Variants in FBXO34 observed in about 807,000 individuals in gnomAD.
The protein encoded by FBXO34 is F-box only protein 34.
FBXO34 carries 12 observed loss-of-function variants against 24.5 expected under a neutral mutation model. That is an observed-to-expected ratio of 0.49 (90% confidence interval 0.31 to 0.79). The LOEUF (loss-of-function observed/expected upper bound fraction) is 0.79. Ranked by LOEUF, FBXO34 falls within the 30% of genes least tolerant of loss-of-function variation. FBXO34 has a pLI of 0.04. For synonymous variants in FBXO34, 320 were observed against 311.9 expected (o/e 1.03, Z -0.27); for missense variants, 823 against 857.7 (o/e 0.96, Z 0.51).
intron 3 of FBXO34, among the ~76,000 whole-genome samples, chr14:55,361,346 A>C (rs1884592883): frequency 6.6e-6 from 1 of 152,224 alleles, no homozygotes; most frequent in Admixed American, 6.5e-5. Context: ...GTAGGTCTCA[A>C]TTGTGGGCTT....
At chr14:55,396,702 T>C in the FBXO34 span, among the ~76,000 whole-genome samples, 9 of 152,166 alleles carry the variant, frequency 5.9e-5, no homozygotes, top group Non-Finnish European at 1.2e-4. Context: ...AAAGAGAAAC[T>C]GAATGAAGGC....
chr14:55,276,417 G>C (rs547253473), intron 1 of FBXO34, among the ~76,000 whole-genome samples: 1 of 152,020 alleles, frequency 6.6e-6, no homozygotes, highest in African/African-American at 2.4e-5. Context: ...TTTTGTTTTT[G>C]TTGTATTTCA....
Position 55,351,260 on chromosome 14 carries a change from C to T in FBXO34, c.870C>T (p.Cys290=), listed in dbSNP as rs753097268. 3.1e-6 allele frequency: 5 copies of T among 1,614,046 alleles called. No homozygotes were observed. The African/African-American group carries it at 4.0e-5, about 13-fold the overall frequency. The change falls in exon 2 of 2, where the codon TGC becomes TGT. Residue 290 remains cysteine, a synonymous_variant. Transcript: ENST00000313833. ...TGGTAGCCAAGTTGGAGTCTGAGTG[C>T]CTGAAGCGGCAGGGCCAGCGTGAGC... is the stretch of plus-strand genomic sequence containing the variant. ...LDMVAKLESE[C]LKRQGQREPG...
At chr14:55,354,382 C>T (rs1884488300), downstream of FBXO34, 1 of 152,206 alleles carries the variant, frequency 6.6e-6, no homozygotes, top group Non-Finnish European at 1.5e-5. Context: ...AGGAGATCAA[C>T]ATAAAGGACC....
At chr14:55,416,635 A>C in the FBXO34 span, among the ~76,000 whole-genome samples, 3 of 152,166 alleles carry the variant, frequency 2.0e-5, no homozygotes, top group African/African-American at 7.2e-5. Context: ...CAGCTCTAAA[A>C]TTTTGGTTTC....
intron 1 of FBXO34, among the ~76,000 whole-genome samples, chr14:55,336,049 T>C (rs1248231058): frequency 6.6e-6 from 1 of 152,200 alleles, no homozygotes; most frequent in Non-Finnish European, 1.5e-5. Flanking sequence ...ATATATGTCT[T>C]TAAAGTATGA....
At chr14:55,428,537 C>G in the FBXO34 span, among the ~76,000 whole-genome samples, 1 of 152,132 alleles carries the variant, frequency 6.6e-6, no homozygotes, top group Non-Finnish European at 1.5e-5. Context: ...CTAGCAAAAT[C>G]TCTGGTGAAG....
chr14:55,378,799 G>A, the FBXO34 span, among the ~76,000 whole-genome samples: 1 of 152,078 alleles, frequency 6.6e-6, no homozygotes, highest in African/African-American at 2.4e-5. Context: ...TCAATCTCCT[G>A]GGCTCAAGCG....
At chr14:55,379,961 A>G in the FBXO34 span, among the ~76,000 whole-genome samples, 1 of 152,170 alleles carries the variant, frequency 6.6e-6, no homozygotes, top group Non-Finnish European at 1.5e-5. Flanking sequence ...AACAAAAAGA[A>G]TTCAGGGCAG....
At chr14:55,390,182 T>C in the FBXO34 span, among the ~76,000 whole-genome samples, 4 of 152,184 alleles carry the variant, frequency 2.6e-5, no homozygotes, top group African/African-American at 7.2e-5. Flanking sequence ...GCAAGTCTCC[T>C]GCCTCAGCCT....
the FBXO34 span, among the ~76,000 whole-genome samples, chr14:55,439,087 G>A: frequency 6.6e-6 from 1 of 151,624 alleles, no homozygotes; most frequent in African/African-American, 2.4e-5. Context: ...ACAGGCTCCT[G>A]CCACCACGCC....
At chr14:55,396,852 C>T in the FBXO34 span, among the ~76,000 whole-genome samples, 3 of 151,858 alleles carry the variant, frequency 2.0e-5, no homozygotes, top group South Asian at 2.1e-4. Context: ...CATTCCCCCC[C>T]ACAAAAAAAA....
At chr14:55,412,623 T>C in the FBXO34 span, among the ~76,000 whole-genome samples, 1 of 152,190 alleles carries the variant, frequency 6.6e-6, no homozygotes, top group Non-Finnish European at 1.5e-5. Context: ...TGTTTGAATA[T>C]GCCTCTAAAC....
At chr14:55,306,571 C>T (rs1001071027) in intron 1 of FBXO34, among the ~76,000 whole-genome samples, 4 of 152,144 alleles carry the variant, frequency 2.6e-5, no homozygotes, top group African/African-American at 9.7e-5. Flanking sequence ...TGGTGGCTCA[C>T]GCGTGTAATC....
intron 1 of FBXO34, among the ~76,000 whole-genome samples, chr14:55,319,250 C>T (rs1883044047): frequency 6.6e-6 from 1 of 152,074 alleles, no homozygotes; most frequent in South Asian, 2.1e-4. Flanking sequence ...GAAATAAATA[C>T]CTGTTCAAGT....
chr14:55,274,478 G>A (rs1445095095), intron 1 of FBXO34, among the ~76,000 whole-genome samples: 2 of 152,098 alleles, frequency 1.3e-5, no homozygotes, highest in Non-Finnish European at 2.9e-5. Context: ...CATATAAATG[G>A]TTTTATGGAA....
chr14:55,440,255 T>G, the FBXO34 span: 1 of 1,054,348 alleles, frequency 9.5e-7, no homozygotes, highest in Non-Finnish European at 1.4e-6. Flanking sequence ...TCGAAGCTTC[T>G]AACCTTCAAC....
intron 1 of FBXO34, among the ~76,000 whole-genome samples, chr14:55,280,394 TG>T (rs1881492974): frequency 1.3e-5 from 2 of 152,178 alleles, no homozygotes; most frequent in Admixed American, 6.5e-5. Context: ...TTTCTTGTCA[TG>T]ACAGTACAGC....
chr14:55,319,610 C>G (rs1298775493), intron 1 of FBXO34, among the ~76,000 whole-genome samples: 1 of 152,116 alleles, frequency 6.6e-6, no homozygotes, highest in Non-Finnish European at 1.5e-5. Flanking sequence ...AGAATTAGTC[C>G]AGGTTTTTTC....
Sources: allele counts gnomAD v4.1 joint callset (sites outside exome capture counted in the v4.1 genomes callset), GRCh38; gene constraint gnomAD v4.1.1; transcripts MANE v1.5; gene names NCBI Gene and HGNC (gene_info 2026-07-23, HGNC 2026-07-21).